NEO1: variants seen among roughly 807,000 people sequenced by gnomAD.
NEO1 encodes neogenin.
A neutral mutation model predicts 159.7 loss-of-function variants in NEO1; 63 were observed. The observed-to-expected ratio is 0.39, with a 90% CI of 0.32 to 0.49. The LOEUF is 0.49. Ranked by LOEUF, NEO1 falls within the 20% of genes least tolerant of loss-of-function variation. The probability of loss-of-function intolerance (pLI) is 0.85; values close to 1 mark genes in which losing one functional copy is unlikely to be tolerated. For synonymous variants in NEO1, 633 were observed against 662.0 expected (o/e 0.96, Z 0.67); for missense variants, 1,615 against 1,831.0 (o/e 0.88, Z 2.15).
chr15:73,141,706 T>C (rs2032402191), intron 5 of NEO1, among the ~76,000 whole-genome samples: 1 of 152,232 alleles, frequency 6.6e-6, no homozygotes, highest in Admixed American at 6.5e-5. Flanking sequence ...TCTTTGACTC[T>C]TCTGCTCTAC....
intron 1 of NEO1, among the ~76,000 whole-genome samples, chr15:73,090,745 A>G (rs1222519046): frequency 6.6e-6 from 1 of 152,210 alleles, no homozygotes; most frequent in Non-Finnish European, 1.5e-5. Flanking sequence ...ATCATTTTAC[A>G]TGTTACCTCC....
chr15:73,238,798 G>C (rs546584828), intron 8 of NEO1, among the ~76,000 whole-genome samples: 1 of 151,916 alleles, frequency 6.6e-6, no homozygotes, highest in African/African-American at 2.4e-5. Flanking sequence ...CATCTCAGGC[G>C]ATCTTGGAAG....
intron 24 of NEO1, 167 bp from the exon 25 acceptor site, chr15:73,288,979 A>G: frequency 3.3e-6 from 2 of 610,500 alleles, no homozygotes; most frequent in South Asian, 1.9e-5. Flanking sequence ...GAACTCTTGT[A>G]ATGCTCTAAT....
At chr15:73,247,912 C>G (rs907866745) in intron 9 of NEO1, among the ~76,000 whole-genome samples, 14 of 152,134 alleles carry the variant, frequency 9.2e-5, no homozygotes, top group Admixed American at 9.2e-4. Flanking sequence ...AGCCAGTGAT[C>G]CAGTCTTCCA....
At chr15:73,150,003 C>T (rs1219814545) in intron 5 of NEO1, among the ~76,000 whole-genome samples, 2 of 152,186 alleles carry the variant, frequency 1.3e-5, no homozygotes. Flanking sequence ...CTTCTTCATC[C>T]CCTCTCACCT....
chr15:73,229,470 G>T (rs1268469725), intron 7 of NEO1, among the ~76,000 whole-genome samples: 4 of 146,772 alleles, frequency 2.7e-5, no homozygotes, highest in Non-Finnish European at 4.5e-5. Context: ...TTTTTCAGTA[G>T]ATTCATGAGG....
intron 1 of NEO1, among the ~76,000 whole-genome samples, chr15:73,076,036 GGAACAGTTGA>G (rs2068753537): frequency 6.6e-6 from 1 of 152,234 alleles, no homozygotes; most frequent in African/African-American, 2.4e-5. Context: ...AATAATTTAG[GGAACAGTTGA>G]GCATGGAAGG....
chr15:73,272,364 C>T, intron 18 of NEO1, 91 bp from the exon 19 acceptor site: 1 of 882,342 alleles, frequency 1.1e-6, no homozygotes, highest in Non-Finnish European at 1.8e-6. Context: ...GCCTTGTGCC[C>T]TTTATTTTGC....
At position 73,288,479 on chromosome 15, in the gene NEO1, A is replaced by G. The variant is rs774260416; in HGVS notation, c.3577A>G (p.Asn1193Asp). The G allele has an allele frequency of 1.9e-6, 3 of 1,614,208 alleles. No homozygotes were observed. Among genetic ancestry groups the G allele is most frequent in the Admixed American group, 3.3e-5 (2 of 60,030 alleles). ...CATGACTGATACTCCAATTCCTCGC[A>G]ACTCTCAAGATATCACACCAGTTGA... ...PIMTDTPIPR[N>D]SQDITPVDNS... Residue 1193 changes from asparagine to aspartate, a missense_variant, in exon 24 of 29, where the codon AAC becomes GAC. Coordinates refer to ENST00000261908, the MANE Select transcript of NEO1 (RefSeq NM_002499.4).
intron 4 of NEO1, among the ~76,000 whole-genome samples, chr15:73,130,752 A>G (rs1159513741): frequency 1.3e-5 from 2 of 152,236 alleles, no homozygotes; most frequent in South Asian, 2.1e-4. Context: ...CCATCCAGCC[A>G]TAAGAGGCAA....
At chr15:73,131,956 G>A (rs2031187962) in intron 4 of NEO1, among the ~76,000 whole-genome samples, 1 of 152,108 alleles carries the variant, frequency 6.6e-6, no homozygotes, top group Non-Finnish European at 1.5e-5. Flanking sequence ...TCATTATTTA[G>A]TTAGCTTCTA....
intron 2 of NEO1, among the ~76,000 whole-genome samples, chr15:73,121,574 C>T (rs919825356): frequency 3.3e-5 from 5 of 152,146 alleles, no homozygotes; most frequent in Non-Finnish European, 5.9e-5. Context: ...TGTAAATATA[C>T]TGTTCCTCAT....
chr15:73,063,383 T>A (rs1461476163), intron 1 of NEO1, among the ~76,000 whole-genome samples: 2 of 152,112 alleles, frequency 1.3e-5, no homozygotes, highest in African/African-American at 4.8e-5. Flanking sequence ...GAATGTAAAC[T>A]GTTATTATTG....
chr15:73,264,298 A>G (rs1280002851), intron 15 of NEO1, among the ~76,000 whole-genome samples: 1 of 152,222 alleles, frequency 6.6e-6, no homozygotes, highest in Admixed American at 6.5e-5. Flanking sequence ...CTTGATCTTC[A>G]GGTGCTTTCA....
intron 11 of NEO1, among the ~76,000 whole-genome samples, 160 bp from the exon 12 acceptor site, chr15:73,253,240 T>G (rs2040171873): frequency 1.3e-5 from 2 of 152,240 alleles, no homozygotes; most frequent in South Asian, 4.1e-4. Flanking sequence ...GTCATCCACA[T>G]AGTATTGTCA....
intron 19 of NEO1, among the ~76,000 whole-genome samples, chr15:73,272,995 A>G (rs2041244047): frequency 6.8e-6 from 1 of 147,380 alleles, no homozygotes; most frequent in African/African-American, 2.5e-5. Flanking sequence ...AAAGCCCATT[A>G]GATATTTAAT....
At chr15:73,095,673 G>GT (rs111751613) in intron 1 of NEO1, among the ~76,000 whole-genome samples, 393 of 145,232 alleles carry the variant, frequency 2.7e-3, no homozygotes, top group Middle Eastern at 0.017. Context: ...GTCTTTATTT[G>GT]TTTTTTTTTT....
chr15:73,254,923 T>C (rs1307701918), intron 13 of NEO1, 94 bp downstream of exon 13: 16 of 1,341,300 alleles, frequency 1.2e-5, no homozygotes, highest in East Asian at 7.4e-5. Flanking sequence ...TGTCGACTTA[T>C]ACAAACAAAT....
chr15:73,293,361 G>A (rs1481266360), intron 25 of NEO1, 29 bp from the exon 26 acceptor site: 7 of 1,612,574 alleles, frequency 4.3e-6, no homozygotes, highest in Non-Finnish European at 5.9e-6. Flanking sequence ...AGCATGTTAA[G>A]CATTTCTCTG....
Sources: allele counts gnomAD v4.1 joint callset (sites outside exome capture counted in the v4.1 genomes callset), GRCh38; gene constraint gnomAD v4.1.1; transcripts MANE v1.5; gene names NCBI Gene and HGNC (gene_info 2026-07-23, HGNC 2026-07-21).